PCDH7: variants seen among roughly 807,000 people sequenced by gnomAD.
PCDH7 encodes the protein protocadherin-7.
A neutral mutation model predicts 58.9 loss-of-function variants in PCDH7; 17 were observed. The observed-to-expected ratio is 0.29, with a 90% CI of 0.20 to 0.43. PCDH7 has a LOEUF of 0.43. Ranked by LOEUF, PCDH7 falls within the 20% of genes least tolerant of loss-of-function variation. The probability of loss-of-function intolerance (pLI) is 1.00; values close to 1 mark genes in which losing one functional copy is unlikely to be tolerated. For synonymous variants in PCDH7, 664 were observed against 616.4 expected (o/e 1.08, Z -1.14); for missense variants, 1,274 against 1,441.0 (o/e 0.88, Z 1.88).
intron 1 of PCDH7, among the ~76,000 whole-genome samples, chr4:30,909,931 C>T (rs1402282471): frequency 6.6e-6 from 1 of 152,140 alleles, no homozygotes; most frequent in South Asian, 2.1e-4. Flanking sequence ...AACTATACTA[C>T]AAGGCTACAG....
chr4:31,119,710 G>T (rs1717420648), intron 3 of PCDH7, among the ~76,000 whole-genome samples: 1 of 152,100 alleles, frequency 6.6e-6, no homozygotes, highest in Admixed American at 6.5e-5. Context: ...CTTTCAGTGT[G>T]GGTTATCCAC....
rs761924857 is a variant in PCDH7 at position 30,831,306 on chromosome 4, C to T, written c.71-88847C>T. On this transcript the variant is annotated intron_variant, in intron 1 of 3. Coordinates refer to the PCDH7 transcript ENST00000509759. ...TTTTGTGCCACCGTCTTGAGACCCACTCCAGAAAAGGAGCCTGGGATATGG... is the reference window on the plus strand; with the variant it reads ...TTTTGTGCCACCGTCTTGAGACCCATTCCAGAAAAGGAGCCTGGGATATGG... Among the ~76,000 whole-genome samples the T allele has an allele frequency of 2.2e-4, 33 of 152,234 alleles. 1 individual carries two copies. Among genetic ancestry groups the T allele is most frequent in the Non-Finnish European group, 4.7e-4 (32 of 68,006 alleles).
chr4:30,978,444 G>T (rs993749291), intron 3 of PCDH7, among the ~76,000 whole-genome samples: 1 of 152,014 alleles, frequency 6.6e-6, no homozygotes, highest in Non-Finnish European at 1.5e-5. Context: ...TATAGCCTTG[G>T]TATCAGAAGA....
intron 1 of PCDH7, among the ~76,000 whole-genome samples, chr4:30,894,753 C>T (rs1211567467): frequency 6.7e-6 from 1 of 150,320 alleles, no homozygotes; most frequent in East Asian, 2.0e-4. Flanking sequence ...GGATAAGGAA[C>T]TCCAGGAGTA....
intron 1 of PCDH7, among the ~76,000 whole-genome samples, chr4:30,781,922 A>C (rs1722857222): frequency 6.6e-6 from 1 of 152,148 alleles, no homozygotes; most frequent in South Asian, 2.1e-4. Context: ...AACGGCGCTA[A>C]TGGCCTTTGT....
At chr4:30,931,500 G>A (rs368512256) in intron 2 of PCDH7, among the ~76,000 whole-genome samples, 11 of 152,144 alleles carry the variant, frequency 7.2e-5, no homozygotes, top group East Asian at 1.9e-4. Context: ...GCTTGAACCC[G>A]GGAGGTGGAG....
intron 3 of PCDH7, among the ~76,000 whole-genome samples, chr4:31,043,594 T>C (rs1438662297): frequency 2.0e-5 from 3 of 152,194 alleles, no homozygotes; most frequent in African/African-American, 7.2e-5. Flanking sequence ...TTGAGAACTC[T>C]CAGTTCATGT....
At position 30,721,286 on chromosome 4, in the gene PCDH7, T is replaced by C. The variant is rs1012394704; in HGVS notation, c.-137T>C. 22 of 874,394 alleles carry C rather than the reference T, an allele frequency of 2.5e-5. No homozygotes were observed. Among genetic ancestry groups the C allele is most frequent in the Non-Finnish European group, 3.5e-5 (21 of 603,150 alleles). The allele number at this position is 874,394 out of a possible 1,614,324, so 54.2% of individuals were successfully genotyped here. A position where few individuals can be genotyped will look rare whatever the true frequency, so the allele number is the denominator to read the frequency against. On this transcript the variant is annotated 5_prime_UTR_variant, in exon 1 of 2. Transcript: ENST00000361762. This position sits in a 1 kb window ranked among gnomAD's most constrained non-coding sequence, Gnocchi z 6.7. Reference sequence around the variant, plus strand: ...AACTCTCCACGCCGCTTTTGCCCCCTCCCTCCCCTCCCTCTCGCTCCTTCC... The same window carrying C: ...AACTCTCCACGCCGCTTTTGCCCCCCCCCTCCCCTCCCTCTCGCTCCTTCC...
chr4:31,112,913 A>G (rs1716501418), intron 3 of PCDH7, among the ~76,000 whole-genome samples: 1 of 152,104 alleles, frequency 6.6e-6, no homozygotes, highest in African/African-American at 2.4e-5. Flanking sequence ...TAATAGTCAG[A>G]TTTACTGTCT....
intron 1 of PCDH7, among the ~76,000 whole-genome samples, chr4:30,740,497 T>C (rs926735746): frequency 1.2e-4 from 18 of 152,198 alleles, no homozygotes; most frequent in Admixed American, 1.2e-3. Flanking sequence ...ACTCATTATG[T>C]ATATAGTTTG....
At chr4:30,790,973 C>T (rs936818696) in intron 1 of PCDH7, among the ~76,000 whole-genome samples, 12 of 151,912 alleles carry the variant, frequency 7.9e-5, no homozygotes, top group African/African-American at 2.7e-4. Flanking sequence ...TAAATAAATA[C>T]ATGCTGTAGA....
intron 1 of PCDH7, among the ~76,000 whole-genome samples, chr4:30,882,696 T>C (rs187497220): frequency 1.3e-5 from 2 of 152,332 alleles, no homozygotes; most frequent in Non-Finnish European, 2.9e-5. Context: ...TTTCATTGCA[T>C]GCTTTACTCT....
chr4:31,069,623 G>C (rs1399457256), intron 3 of PCDH7, among the ~76,000 whole-genome samples: 1 of 151,804 alleles, frequency 6.6e-6, no homozygotes, highest in Non-Finnish European at 1.5e-5. Flanking sequence ...TAATGTTTAT[G>C]GATTAAATGA....
At chr4:31,040,306 G>A (rs1755752020) in intron 3 of PCDH7, among the ~76,000 whole-genome samples, 1 of 152,054 alleles carries the variant, frequency 6.6e-6, no homozygotes, top group Admixed American at 6.6e-5. Flanking sequence ...CTGTTCTGAT[G>A]TTTATTACCA....
chr4:31,095,704 A>G (rs1043558665), intron 3 of PCDH7, among the ~76,000 whole-genome samples: 1 of 152,206 alleles, frequency 6.6e-6, no homozygotes, highest in Non-Finnish European at 1.5e-5. Flanking sequence ...AATTGAGATT[A>G]TCAGCAAGGG....
chr4:30,902,500 G>T (rs1046240225), intron 1 of PCDH7, among the ~76,000 whole-genome samples: 6 of 152,028 alleles, frequency 3.9e-5, no homozygotes, highest in African/African-American at 1.4e-4. Context: ...TTCTTAATAC[G>T]TGCGATGCAT....
At chr4:30,861,822 C>G (rs1402917266) in intron 1 of PCDH7, among the ~76,000 whole-genome samples, 1 of 152,064 alleles carries the variant, frequency 6.6e-6, no homozygotes, top group African/African-American at 2.4e-5. Flanking sequence ...TTTGGTCAGA[C>G]AGAGGTTGTA....
intron 1 of PCDH7, among the ~76,000 whole-genome samples, chr4:30,909,320 G>C (rs984894140): frequency 1.3e-5 from 2 of 152,144 alleles, no homozygotes; most frequent in African/African-American, 4.8e-5. Context: ...AGAATCTGAA[G>C]TTCTGGCCAG....
At chr4:30,728,917 TTTTA>T (rs1222365963) in intron 1 of PCDH7, among the ~76,000 whole-genome samples, 2 of 151,724 alleles carry the variant, frequency 1.3e-5, no homozygotes, top group Non-Finnish European at 3.0e-5. Flanking sequence ...TGTATTAGTC[TTTTA>T]TTTAGTCATG....
Sources: gnomAD v4.1 joint callset for allele counts (sites outside exome capture counted in the v4.1 genomes callset) on GRCh38, gnomAD v4.1.1 for gene constraint, Gnocchi (gnomAD v3.1) non-coding constraint, MANE v1.5 for transcripts, NCBI Gene and HGNC (gene_info 2026-07-23, HGNC 2026-07-21) for gene names.